RGS7: variants seen among roughly 807,000 people sequenced by gnomAD.
RGS7 encodes the protein regulator of G-protein signaling 7.
A neutral mutation model predicts 81.1 loss-of-function variants in RGS7; 27 were observed. The observed-to-expected ratio is 0.33, with a 90% CI of 0.25 to 0.46. The LOEUF is 0.46. RGS7 is among the 20% of genes least tolerant of loss of function. The pLI, the probability that RGS7 is intolerant of heterozygous loss-of-function variation, is 1.00. For synonymous variants in RGS7, 208 were observed against 207.7 expected, an observed-to-expected ratio of 1.00 and a Z score of -0.01; for missense variants, 396 against 607.4, an observed-to-expected ratio of 0.65 and a Z score of 3.66.
Position 240,981,312 on chromosome 1 carries a change from G to A in RGS7, c.226+1767C>T, listed in dbSNP as rs192928053. 7.0e-4 allele frequency among the ~76,000 whole-genome samples: 106 copies of A among 152,026 alleles called. No homozygotes were observed. In the East Asian group the frequency reaches 0.015, roughly 22 times the overall value. The stretch of plus-strand genomic sequence containing the variant: ...TTTAGTAGAGGCAGGGTTTTTCACC[G>A]TATTGGCCAGGCTGGTCTCGAACTC... On this transcript the variant is annotated intron_variant, in intron 4 of 18. Transcript: ENST00000440928.
At chr1:241,323,774 G>A (rs2081338326) in intron 2 of RGS7, among the ~76,000 whole-genome samples, 1 of 152,168 alleles carries the variant, frequency 6.6e-6, no homozygotes, top group Admixed American at 6.5e-5. Flanking sequence ...CATCTATCCT[G>A]AAATGCAACC....
chr1:241,240,936 G>T (rs2076231852), intron 2 of RGS7, among the ~76,000 whole-genome samples: 1 of 152,132 alleles, frequency 6.6e-6, no homozygotes, highest in African/African-American at 2.4e-5. Flanking sequence ...ACATCAAGAT[G>T]CCTTTAGGTT....
At chr1:241,268,645 G>A (rs1402156342) in intron 2 of RGS7, among the ~76,000 whole-genome samples, 1 of 152,128 alleles carries the variant, frequency 6.6e-6, no homozygotes, top group African/African-American at 2.4e-5. Context: ...AATGCCACAT[G>A]TGAAGATTTT....
intron 3 of RGS7, among the ~76,000 whole-genome samples, chr1:241,043,910 GAA>G (rs2060767731): frequency 6.6e-6 from 1 of 151,758 alleles, no homozygotes; most frequent in Non-Finnish European, 1.5e-5. Flanking sequence ...CAGGGTCCTA[GAA>G]CCAATCCTGT....
At chr1:241,323,754 T>C (rs1573673475) in intron 2 of RGS7, among the ~76,000 whole-genome samples, 1 of 152,170 alleles carries the variant, frequency 6.6e-6, no homozygotes, top group African/African-American at 2.4e-5. Context: ...CCAGTCAACC[T>C]GCAGACTCAC....
intron 2 of RGS7, among the ~76,000 whole-genome samples, chr1:241,318,605 T>C (rs1171999203): frequency 6.6e-6 from 1 of 152,088 alleles, no homozygotes; most frequent in Non-Finnish European, 1.5e-5. Context: ...TACAGGCATG[T>C]GCCACCATAC....
rs908080396 is a variant in RGS7, at chr1:241,316,867, G to A, written c.78+38832C>T. 1.1e-4 allele frequency among the ~76,000 whole-genome samples: 16 copies of A among 152,160 alleles called. No individual in the cohort carries two copies. In the East Asian group the frequency reaches 1.7e-3, roughly 17 times the overall value. On this transcript the variant is annotated intron_variant, in intron 2 of 18. Coordinates refer to ENST00000440928, the MANE Select transcript of RGS7 (RefSeq NM_001364886.1). ...TATCAATGATGTGAGCCACTTTTTTGTTGCTGAATCAGATCATTTAATAGT... is the reference window on the plus strand; with the variant it reads ...TATCAATGATGTGAGCCACTTTTTTATTGCTGAATCAGATCATTTAATAGT...
chr1:240,854,148 T>C (rs528265886), intron 9 of RGS7, among the ~76,000 whole-genome samples: 1 of 152,274 alleles, frequency 6.6e-6, no homozygotes, highest in East Asian at 1.9e-4. Flanking sequence ...AATCACACCC[T>C]GGTCTTAAAT....
chr1:241,239,044 C>A (rs1227335585), intron 2 of RGS7, among the ~76,000 whole-genome samples: 2 of 148,334 alleles, frequency 1.3e-5, no homozygotes, highest in African/African-American at 5.0e-5. Flanking sequence ...TCTCGGCTCA[C>A]TGCAACCTCC....
chr1:240,966,479 T>C (rs528124142), intron 4 of RGS7, among the ~76,000 whole-genome samples: 2 of 152,228 alleles, frequency 1.3e-5, no homozygotes, highest in East Asian at 3.9e-4. Context: ...ATTCTTGTTA[T>C]GGCCTTGCTG....
At position 241,332,615 on chromosome 1, in the gene RGS7, A is replaced by G. The variant is rs535014502; in HGVS notation, c.78+23084T>C. Among the ~76,000 whole-genome samples, 10 of 152,282 alleles carry G rather than the reference A, an allele frequency of 6.6e-5. No individual in the cohort carries two copies. In the East Asian group the frequency reaches 1.7e-3, roughly 26 times the overall value. On this transcript the variant is annotated intron_variant, in intron 2 of 18. Transcript: ENST00000440928. Reference sequence around the variant, plus strand: ...CCATCTAAGAGTCCATGAAGTATCTAACACAACGAAACATTTCCTTTTTAG... The same window carrying G: ...CCATCTAAGAGTCCATGAAGTATCTGACACAACGAAACATTTCCTTTTTAG...
chr1:241,335,180 C>T (rs1262716375), intron 2 of RGS7, among the ~76,000 whole-genome samples: 1 of 152,116 alleles, frequency 6.6e-6, no homozygotes, highest in Non-Finnish European at 1.5e-5. Flanking sequence ...TTCCAGCACC[C>T]TAAATGGTAT....
intron 4 of RGS7, among the ~76,000 whole-genome samples, chr1:240,964,106 G>A (rs556189536): frequency 6.6e-6 from 1 of 152,340 alleles, no homozygotes; most frequent in South Asian, 2.1e-4. Context: ...CAGACAGCAA[G>A]AGAAGCAAGA....
At chr1:241,340,231 G>C (rs1038537668) in intron 2 of RGS7, among the ~76,000 whole-genome samples, 7 of 152,134 alleles carry the variant, frequency 4.6e-5, no homozygotes, top group Non-Finnish European at 8.8e-5. Flanking sequence ...AAGATATCAG[G>C]TGAAAGGAGA....
Position 241,305,799 on chromosome 1 carries a change from C to T in RGS7, c.78+49900G>A, listed in dbSNP as rs191601680. 30 of 271,834 alleles carry T rather than the reference C, an allele frequency of 1.1e-4. 1 individual carries two copies. The highest frequency in any genetic ancestry group is 3.0e-4 in the African/African-American group (13 of 43,628). 16.8% of individuals were successfully genotyped at this position (271,834 alleles called of 1,614,324 possible). On this transcript the variant is annotated intron_variant, in intron 2 of 18. Coordinates refer to ENST00000440928, the MANE Select transcript of RGS7 (RefSeq NM_001364886.1). ...TGCGCGATTTTGGTGTTTGCTGAGGCGCCCGCTTGGCTGTGCCTTGGTTTC... is the reference window on the plus strand; with the variant it reads ...TGCGCGATTTTGGTGTTTGCTGAGGTGCCCGCTTGGCTGTGCCTTGGTTTC...
intron 3 of RGS7, among the ~76,000 whole-genome samples, chr1:241,022,565 A>G (rs1252273393): frequency 6.6e-6 from 1 of 152,072 alleles, no homozygotes; most frequent in Admixed American, 6.5e-5. Flanking sequence ...TATGGCCCCC[A>G]TCCAGGAACT....
chr1:240,958,926 T>C (rs1014570102), intron 4 of RGS7, among the ~76,000 whole-genome samples: 7 of 152,232 alleles, frequency 4.6e-5, no homozygotes, highest in African/African-American at 1.2e-4. Flanking sequence ...GCCTTTCCTA[T>C]ACTTTTCATA....
chr1:241,298,208 G>A (rs529673343), intron 2 of RGS7, among the ~76,000 whole-genome samples: 2 of 151,126 alleles, frequency 1.3e-5, no homozygotes, highest in Admixed American at 1.3e-4. Flanking sequence ...GAATCACAAC[G>A]CCCAACTACT....
At chr1:240,883,341 A>T (rs988079343) in intron 6 of RGS7, among the ~76,000 whole-genome samples, 7 of 152,088 alleles carry the variant, frequency 4.6e-5, no homozygotes, top group Admixed American at 1.3e-4. Flanking sequence ...AATAATAAAA[A>T]TTTTTTAAAA....
Sources: allele counts gnomAD v4.1 joint callset (sites outside exome capture counted in the v4.1 genomes callset), GRCh38; gene constraint gnomAD v4.1.1; transcripts MANE v1.5; gene names NCBI Gene and HGNC (gene_info 2026-07-23, HGNC 2026-07-21).